The following MT1G variants were observed in gnomAD, a reference collection of about 807,000 sequenced individuals.
MT1G encodes the protein metallothionein-1G.
In MT1G, 8 loss-of-function variants were observed where a neutral mutation model predicts 9.1. The ratio of observed to expected loss-of-function variants is 0.87; its 90% CI spans 0.51 to 1.58. MT1G has a LOEUF of 1.58. Ranked by LOEUF, MT1G falls within the 40% of genes most tolerant of loss-of-function variation. The pLI is 0.00. For synonymous variants in MT1G, 31 were observed against 28.4 expected, an observed-to-expected ratio of 1.09 and a Z score of -0.29; for missense variants, 79 against 77.3, an observed-to-expected ratio of 1.02 and a Z score of -0.08.
chr16:56,666,901 T>G lies in MT1G; in HGVS notation c.167A>C (p.Glu56Ala), dbSNP rs1373906714. ...AQGCICKGASEKCSCCA is the reference protein window; with the variant it reads ...AQGCICKGASAKCSCCA ...ACATCAGGCGCAGCAGCTGCACTTC[T>G]CCGATGCCCCTTTGCAGATGCAGCC... The change falls in exon 3 of 3, where the codon GAG (glutamate) becomes GCG (alanine). Residue 56 changes from glutamate (E) to alanine (A), a missense_variant. Glu to Ala is a moderately radical substitution (Grantham distance 107). Transcript: ENST00000379811. 1 of 1,614,250 alleles carries G rather than the reference T, an allele frequency of 6.2e-7. No individual in the cohort carries two copies. The highest frequency in any genetic ancestry group is 1.7e-5 in the Admixed American group (1 of 60,036).
rs575523048 is a variant in MT1G, at chr16:56,667,681, G to T, written c.28+285C>A. Among the ~76,000 whole-genome samples the T allele has an allele frequency of 1.1e-3, 173 of 152,282 alleles. 1 individual carries two copies. The highest frequency in any genetic ancestry group is 3.8e-3 in the African/African-American group (159 of 41,550). On this transcript the variant is annotated intron_variant, in intron 1 of 2. Transcript: ENST00000379811. ...TATCCAATGTCTCCTATCCAATCCG[G>T]TAGCTCAGAGTCAGGTTAGAGAATT...
chr16:56,667,510 A>G, intron 1 of MT1G, 130 bp from the exon 2 acceptor site: 4 of 1,307,860 alleles, frequency 3.1e-6, no homozygotes, highest in Non-Finnish European at 4.2e-6. Context: ...AGAGCAGAGG[A>G]AGAGAAGCCC....
At position 56,666,771 on chromosome 16, in the gene MT1G, A is replaced by G. The variant is rs4432266; in HGVS notation, c.*108T>C. 8 of 1,457,552 alleles carry G rather than the reference A, an allele frequency of 5.5e-6. No homozygotes were observed. In the East Asian group the frequency reaches 1.6e-4, roughly 30 times the overall value. The allele number at this position is 1,457,552 out of a possible 1,614,324, so 90.3% of individuals were successfully genotyped here. A position where few individuals can be genotyped will look rare whatever the true frequency, so the allele number is the denominator to read the frequency against. The stretch of plus-strand genomic sequence containing the variant: ...TGTTTAATTATTATTCACATATTTC[A>G]CAGAAAAAAAGGAATGTAGCAAAGG... On this transcript the variant is annotated 3_prime_UTR_variant, in exon 3 of 3. Transcript: ENST00000379811.
rs770620753 is a variant in MT1G at position 56,666,851 on chromosome 16, T to G, written c.*28A>C. 6.2e-7 allele frequency: 1 copy of G among 1,611,966 alleles called. No homozygotes were observed. Among genetic ancestry groups the G allele is most frequent in the African/African-American group, 1.3e-5 (1 of 74,822 alleles). ...CCTGGATTTTACGGGTCACTCTATT[T>G]GTACTTGGGAGCAGGGCTGTCCCGA... On this transcript the variant is annotated 3_prime_UTR_variant, in exon 3 of 3. Transcript: ENST00000379811.
intron 2 of MT1G, 128 bp from the exon 3 acceptor site, chr16:56,667,098 G>A: frequency 6.4e-7 from 1 of 1,567,972 alleles, no homozygotes; most frequent in Non-Finnish European, 8.7e-7. Context: ...GTTTTTGTCA[G>A]GAGACAACTG....
intron 2 of MT1G, 63 bp downstream of exon 2, chr16:56,667,249 G>T (rs1960794902): frequency 1.2e-6 from 2 of 1,613,990 alleles, no homozygotes; most frequent in Non-Finnish European, 8.5e-7. Flanking sequence ...CTCAGGGACA[G>T]CCTTGGGTTC....
In MT1G at chr16:56,667,957, G is replaced by A. The variant is rs746093751; in HGVS notation, c.28+9C>T. 1.2e-6 allele frequency: 2 copies of A among 1,613,812 alleles called. No individual in the cohort carries two copies. The highest frequency in any genetic ancestry group is 1.7e-6 in the Non-Finnish European group (2 of 1,179,820). On this transcript the variant is annotated intron_variant, in intron 1 of 2. Coordinates refer to ENST00000379811, the MANE Select transcript of MT1G (RefSeq NM_001301267.2). Reference sequence around the variant, plus strand: ...GCATCCCAAGGCACAGAACCCGGGCGTCCCTTACCAGCGGCACAGGAGCAG... The same window carrying A: ...GCATCCCAAGGCACAGAACCCGGGCATCCCTTACCAGCGGCACAGGAGCAG...
chr16:56,667,494 C>T (rs1237927014), intron 1 of MT1G, 114 bp from the exon 2 acceptor site: 44 of 1,426,186 alleles, frequency 3.1e-5, no homozygotes, highest in Non-Finnish European at 4.0e-5. Context: ...AGCTCCTTTC[C>T]CACTCAGAGC....
Position 56,667,851 on chromosome 16 carries a change from T to C in MT1G, c.28+115A>G. 7 of 1,258,272 alleles carry C rather than the reference T, an allele frequency of 5.6e-6. No individual in the cohort carries two copies. In the South Asian group the frequency reaches 6.0e-5, roughly 11 times the overall value. 77.9% of individuals were successfully genotyped at this position (1,258,272 alleles called of 1,614,324 possible). A position where few individuals can be genotyped will look rare whatever the true frequency, so the allele number is the denominator to read the frequency against. On this transcript the variant is annotated intron_variant, in intron 1 of 2. Transcript: ENST00000379811. ...GGCCAACAGGAAAGCACTGGACCAATAAAGGAGTCCCCTTTACCTCTGATA... is the reference window on the plus strand; with the variant it reads ...GGCCAACAGGAAAGCACTGGACCAACAAAGGAGTCCCCTTTACCTCTGATA...
In MT1G at chr16:56,666,946, C is replaced by A. The variant is rs762037359; in HGVS notation, c.122G>T (p.Gly41Val). The change falls in exon 3 of 3, where the codon GGC becomes GTC. Residue 41 changes from glycine to valine, a missense_variant. Physicochemically the swap from Gly to Val is moderately radical, Grantham distance 109. Coordinates refer to ENST00000379811, the MANE Select transcript of MT1G (RefSeq NM_001301267.2). ...KKSCCSCCPV[G>V]CAKCAQGCIC... is the part of the protein sequence containing the mutation. ...GCAGCCCTGGGCACACTTGGCACAG[C>A]CCACAGGGCAGCAGGAGCAGCAGCC... 1.2e-6 allele frequency: 2 copies of A among 1,614,148 alleles called. No homozygotes were observed. The highest frequency in any genetic ancestry group is 1.1e-5 in the South Asian group (1 of 91,086).
intron 2 of MT1G, 57 bp downstream of exon 2, chr16:56,667,255 G>A (rs747918600): frequency 2.5e-6 from 4 of 1,613,930 alleles, no homozygotes; most frequent in African/African-American, 2.7e-5. Flanking sequence ...GACAGCCTTG[G>A]GTTCCCTCCC....
intron 2 of MT1G, 21 bp downstream of exon 2, chr16:56,667,291 T>C (rs2144349938): frequency 1.2e-6 from 2 of 1,614,260 alleles, no homozygotes; most frequent in Non-Finnish European, 1.7e-6. Flanking sequence ...CCCAGATTCC[T>C]GGAGATGGCC....
chr16:56,666,788 T>TA lies in MT1G; in HGVS notation c.*90dup. The TA allele has an allele frequency of 1.3e-6, 2 of 1,522,990 alleles. No individual in the cohort carries two copies. Among genetic ancestry groups the TA allele is most frequent in the South Asian group, 1.3e-5 (1 of 79,068 alleles). The allele number at this position is 1,522,990 out of a possible 1,614,324, so 94.3% of individuals were successfully genotyped here. ...CATATTTCACAGAAAAAAAGGAATG[T>TA]AGCAAAGGGGTCAAGATTGTAGCAA... On this transcript the variant is annotated 3_prime_UTR_variant, in exon 3 of 3. Coordinates refer to ENST00000379811, the MANE Select transcript of MT1G (RefSeq NM_001301267.2).
intron 2 of MT1G, 44 bp downstream of exon 2, chr16:56,667,268 C>T: frequency 6.2e-7 from 1 of 1,614,226 alleles, no homozygotes; most frequent in Non-Finnish European, 8.5e-7. Context: ...TCCCTCCCAA[C>T]CTTAGCCACA....
chr16:56,667,281 C>T, intron 2 of MT1G, 31 bp downstream of exon 2: 3 of 1,614,240 alleles, frequency 1.9e-6, no homozygotes, highest in East Asian at 2.2e-5. Context: ...TAGCCACAGC[C>T]CCAGATTCCT....
Position 56,667,022 on chromosome 16 carries a change from C to T in MT1G, c.98-52G>A, listed in dbSNP as rs767750920. On this transcript the variant is annotated intron_variant, in intron 2 of 2. Coordinates refer to ENST00000379811, the MANE Select transcript of MT1G (RefSeq NM_001301267.2). ...CAGAGCAGACTCGATCAGAGAACTC[C>T]CTGCCCCAACAGAGGCCTGTCTCCA... 6 of 1,609,916 alleles carry T rather than the reference C, an allele frequency of 3.7e-6. No individual in the cohort carries two copies. In the Admixed American group the frequency reaches 1.0e-4, roughly 27 times the overall value.
chr16:56,667,466 T>C, intron 1 of MT1G, 86 bp from the exon 2 acceptor site: 1 of 1,568,504 alleles, frequency 6.4e-7, no homozygotes, highest in South Asian at 1.2e-5. Context: ...CCCTTCTCTG[T>C]GCAGAGCCAG....
intron 1 of MT1G, 55 bp from the exon 2 acceptor site, chr16:56,667,435 G>C (rs537322074): frequency 6.6e-5 from 107 of 1,610,460 alleles, no homozygotes; most frequent in Middle Eastern, 1.7e-4. Context: ...TACAGCAGTG[G>C]GTCAATGAGT....
At position 56,667,973 on chromosome 16, in the gene MT1G, A is replaced by G. The variant is rs775456370; in HGVS notation, c.21T>C (p.Cys7=). MDPNCS[C]AAAGVSCTCA... is the part of the protein sequence containing the mutation. ...AACCCGGGCGTCCCTTACCAGCGGC[A>G]CAGGAGCAGTTGGGGTCCATTGCAA... Residue 7 remains cysteine, a synonymous_variant, in exon 1 of 3, where the codon TGT becomes TGC. Transcript: ENST00000379811. The G allele has an allele frequency of 1.9e-6, 3 of 1,613,964 alleles. No homozygotes were observed. Among genetic ancestry groups the G allele is most frequent in the Admixed American group, 3.3e-5 (2 of 60,018 alleles).
Sources: allele counts gnomAD v4.1 joint callset (sites outside exome capture counted in the v4.1 genomes callset), GRCh38; gene constraint gnomAD v4.1.1; transcripts MANE v1.5; gene names NCBI Gene and HGNC (gene_info 2026-07-23, HGNC 2026-07-21).